GBA1: variants seen among roughly 807,000 people sequenced by gnomAD.
GBA1 encodes glucosylceramidase beta 1, also known as lysosomal acid glucosylceramidase.
At chr1:155,242,389 A>C in the GBA1 span, among the ~76,000 whole-genome samples, 1 of 151,798 alleles carries the variant, frequency 6.6e-6, no homozygotes, top group Non-Finnish European at 1.5e-5. Flanking sequence ...TGCTCAGCTA[A>C]TTTTTTTATT....
the GBA1 span, among the ~76,000 whole-genome samples, chr1:155,243,840 T>G: frequency 6.6e-6 from 1 of 151,862 alleles, no homozygotes; most frequent in Admixed American, 6.6e-5. Flanking sequence ...TGGCACGATC[T>G]CGGTTCACTG....
chr1:155,243,902 C>T, the GBA1 span, among the ~76,000 whole-genome samples: 1 of 151,922 alleles, frequency 6.6e-6, no homozygotes, highest in Non-Finnish European at 1.5e-5. Flanking sequence ...TCCATCCTGG[C>T]ACCCATCTGC....
At chr1:155,240,009 A>C in the GBA1 span, 11 of 1,614,032 alleles carry the variant, frequency 6.8e-6, no homozygotes, top group Non-Finnish European at 9.3e-6. Flanking sequence ...AAGGAGTCAC[A>C]GTATGTGGCA....
the GBA1 span, chr1:155,236,243 A>C: frequency 6.2e-7 from 1 of 1,613,002 alleles, no homozygotes; most frequent in Admixed American, 1.7e-5. Flanking sequence ...GGGGTGGCTT[A>C]CCGTGATGAT....
the GBA1 span, among the ~76,000 whole-genome samples, chr1:155,241,818 T>C: frequency 1.3e-5 from 2 of 152,160 alleles, no homozygotes; most frequent in African/African-American, 4.8e-5. Context: ...ACACTGGCAG[T>C]GGGATGACAG....
chr1:155,244,583 G>A, the GBA1 span: 2 of 152,232 alleles, frequency 1.3e-5, no homozygotes, highest in Non-Finnish European at 2.9e-5. Context: ...GCCTGGGCGG[G>A]ACTGGAGACT....
chr1:155,238,123 T>C, the GBA1 span: 1 of 1,614,038 alleles, frequency 6.2e-7, no homozygotes, highest in Non-Finnish European at 8.5e-7. Flanking sequence ...ACATCCTTGC[T>C]GATCCCTTAC....
At chr1:155,236,472 G>C in the GBA1 span, 1 of 1,610,858 alleles carries the variant, frequency 6.2e-7, no homozygotes, top group Non-Finnish European at 8.5e-7. Context: ...GTCAGTACCT[G>C]CAAAGGAAGA....
the GBA1 span, chr1:155,238,589 G>A: frequency 5.0e-6 from 8 of 1,613,552 alleles, no homozygotes; most frequent in African/African-American, 4.0e-5. Context: ...CTGCATAGGT[G>A]TAGGTGCGGA....
At chr1:155,239,954 T>C in the GBA1 span, 1 of 1,614,086 alleles carries the variant, frequency 6.2e-7, no homozygotes, top group Non-Finnish European at 8.5e-7. Flanking sequence ...GCGTGTACTC[T>C]CATAGCGGCT....
the GBA1 span, chr1:155,240,074 G>C: frequency 6.2e-7 from 1 of 1,613,504 alleles, no homozygotes; most frequent in African/African-American, 1.3e-5. Flanking sequence ...GCAGGGGCGG[G>C]CACCTGGGAG....
chr1:155,236,775 ATG>A, the GBA1 span, among the ~76,000 whole-genome samples: 25 of 150,906 alleles, frequency 1.7e-4, no homozygotes, highest in Non-Finnish European at 2.7e-4. Context: ...GTGTGTATGT[ATG>A]TGTGTGTGTG....
the GBA1 span, chr1:155,237,784 C>G: frequency 5.3e-5 from 56 of 1,047,410 alleles, no homozygotes; most frequent in Non-Finnish European, 4.8e-5. Context: ...CGCCTATAAT[C>G]CCAGCTACTT....
the GBA1 span, chr1:155,240,141 C>G: frequency 6.9e-7 from 1 of 1,445,284 alleles, no homozygotes; most frequent in Non-Finnish European, 9.7e-7. Flanking sequence ...GACACATCTG[C>G]TAGGAGAGAC....
the GBA1 span, among the ~76,000 whole-genome samples, chr1:155,243,256 C>T: frequency 2.0e-5 from 3 of 152,206 alleles, no homozygotes; most frequent in African/African-American, 7.2e-5. Context: ...AGACTTCTCA[C>T]TTTTCAAGGA....
the GBA1 span, among the ~76,000 whole-genome samples, chr1:155,242,491 G>T: frequency 6.6e-6 from 1 of 151,886 alleles, no homozygotes; most frequent in African/African-American, 2.4e-5. Context: ...GAAAGTGCTG[G>T]GATTACAGGC....
the GBA1 span, chr1:155,236,609 A>G: frequency 2.1e-5 from 15 of 726,622 alleles, no homozygotes; most frequent in Admixed American, 1.8e-4. Context: ...TGTTTTTGAG[A>G]CAGGATGTCA....
the GBA1 span, among the ~76,000 whole-genome samples, chr1:155,236,838 T>G: frequency 6.6e-6 from 1 of 152,024 alleles, no homozygotes; most frequent in Admixed American, 6.5e-5. Context: ...CATACATACA[T>G]GAACCACCAC....
the GBA1 span, chr1:155,237,253 G>A: frequency 6.2e-7 from 1 of 1,602,584 alleles, no homozygotes; most frequent in East Asian, 2.2e-5. Flanking sequence ...TCCATAGTTG[G>A]GTAGAGAAAT....
Sources: gnomAD v4.1 joint callset for allele counts (sites outside exome capture counted in the v4.1 genomes callset) on GRCh38, gnomAD v4.1.1 for gene constraint, MANE v1.5 for transcripts, NCBI Gene and HGNC (gene_info 2026-07-23, HGNC 2026-07-21) for gene names.